Variants in CA10 observed in about 807,000 individuals in gnomAD.
The protein encoded by CA10 is carbonic anhydrase-related protein 10.
Under a neutral mutation model 44.2 loss-of-function variants are expected in CA10, and 14 were observed. The ratio of observed to expected loss-of-function variants is 0.32; its 90% CI spans 0.21 to 0.50. CA10 has a LOEUF of 0.50. CA10 is among the 20% of genes least tolerant of loss of function. The pLI is 0.99. For synonymous variants in CA10, 159 were observed against 141.6 expected (o/e 1.12, Z -0.87); for missense variants, 350 against 409.7 (o/e 0.85, Z 1.26).
upstream of CA10, among the ~76,000 whole-genome samples, chr17:52,158,896 A>C (rs1989881377): frequency 6.6e-6 from 1 of 152,024 alleles, no homozygotes; most frequent in African/African-American, 2.4e-5. Context: ...CGGAGGCAGG[A>C]GGCCCGGGCG....
intron 4 of CA10, among the ~76,000 whole-genome samples, chr17:51,717,973 G>A (rs1384632950): frequency 6.8e-6 from 1 of 147,954 alleles, no homozygotes; most frequent in Non-Finnish European, 1.5e-5. Context: ...CTCAGGAATG[G>A]AAAATCATTG....
At chr17:51,756,949 C>G (rs966462872) in intron 3 of CA10, among the ~76,000 whole-genome samples, 4 of 152,170 alleles carry the variant, frequency 2.6e-5, no homozygotes, top group Non-Finnish European at 5.9e-5. Context: ...ATGGGTCATA[C>G]CTGCCTCTCC....
At chr17:51,858,977 C>T (rs888332090) in intron 3 of CA10, among the ~76,000 whole-genome samples, 61 of 151,842 alleles carry the variant, frequency 4.0e-4, no homozygotes, top group African/African-American at 1.4e-3. Flanking sequence ...ATAAGGGTAC[C>T]TCCCTATATA....
chr17:51,706,595 A>G (rs913383736), intron 4 of CA10, among the ~76,000 whole-genome samples: 12 of 152,312 alleles, frequency 7.9e-5, no homozygotes, highest in African/African-American at 2.6e-4. Flanking sequence ...GCTAACAGCC[A>G]GAAAAAACCT....
At chr17:51,921,464 A>C (rs1201015821) in intron 3 of CA10, among the ~76,000 whole-genome samples, 1 of 152,218 alleles carries the variant, frequency 6.6e-6, no homozygotes, top group Non-Finnish European at 1.5e-5. Context: ...ATGACTTCTT[A>C]AAATATTTTC....
chr17:51,962,166 TG>T (rs1206375574), intron 2 of CA10, among the ~76,000 whole-genome samples: 1 of 152,212 alleles, frequency 6.6e-6, no homozygotes. Context: ...TGTGGTGCAG[TG>T]GGGCCCTCTA....
intron 4 of CA10, among the ~76,000 whole-genome samples, chr17:51,733,550 T>C (rs1377668688): frequency 6.6e-6 from 1 of 152,134 alleles, no homozygotes; most frequent in African/African-American, 2.4e-5. Context: ...AAAATTAAAA[T>C]AATGTAAATC....
chr17:51,903,009 T>C (rs780609949), intron 3 of CA10, among the ~76,000 whole-genome samples: 25 of 152,208 alleles, frequency 1.6e-4, no homozygotes, highest in Non-Finnish European at 3.4e-4. Flanking sequence ...AACTGCCTTC[T>C]TGTTGCCATG....
intron 2 of CA10, among the ~76,000 whole-genome samples, chr17:52,049,312 AGCTAT>A (rs1986995318): frequency 6.6e-6 from 1 of 152,088 alleles, no homozygotes; most frequent in Admixed American, 6.6e-5. Context: ...GCTACTTACT[AGCTAT>A]GCGGCCTTGA....
At chr17:52,054,665 T>G (rs1169840470) in intron 2 of CA10, among the ~76,000 whole-genome samples, 1 of 152,066 alleles carries the variant, frequency 6.6e-6, no homozygotes, top group Non-Finnish European at 1.5e-5. Flanking sequence ...GACACCCAGC[T>G]TTAAAATTTC....
chr17:51,752,967 T>C (rs1343931529), intron 3 of CA10, among the ~76,000 whole-genome samples: 1 of 151,924 alleles, frequency 6.6e-6, no homozygotes, highest in Non-Finnish European at 1.5e-5. Flanking sequence ...AAATAAAAAA[T>C]ATGTTGGGGA....
chr17:52,156,576 C>G (rs1004634606), intron 1 of CA10, among the ~76,000 whole-genome samples: 6 of 152,154 alleles, frequency 3.9e-5, no homozygotes, highest in Non-Finnish European at 5.9e-5. Context: ...TTTCTCCTAT[C>G]CAGAATCAGG....
chr17:51,962,774 A>T (rs1983939976), intron 2 of CA10, among the ~76,000 whole-genome samples: 1 of 152,150 alleles, frequency 6.6e-6, no homozygotes, highest in Non-Finnish European at 1.5e-5. Context: ...AAAGGGAAAA[A>T]TCCTACACAC....
intron 3 of CA10, among the ~76,000 whole-genome samples, chr17:51,767,283 C>A (rs1905420372): frequency 7.9e-6 from 1 of 127,242 alleles, no homozygotes; most frequent in Non-Finnish European, 1.6e-5. Flanking sequence ...AGGTGGATTT[C>A]ATATCTCACA....
At chr17:52,096,498 C>T (rs777458059) in intron 1 of CA10, among the ~76,000 whole-genome samples, 30 of 150,900 alleles carry the variant, frequency 2.0e-4, no homozygotes, top group Non-Finnish European at 3.7e-4. Context: ...GAGGACAGAG[C>T]GAACAATCTT....
At position 52,059,436 on chromosome 17, in the gene CA10, C is replaced by T. The variant is rs568027493; in HGVS notation, c.136+12883G>A. 4.6e-5 allele frequency among the ~76,000 whole-genome samples: 7 copies of T among 152,128 alleles called. No homozygotes were observed. In the South Asian group the frequency reaches 1.5e-3, roughly 32 times the overall value. Reference sequence around the variant, plus strand: ...ACTGAGCATTTTCCAGAACCCGTTGCTGCATCTATTATCCAAAGGAGGAAG... The same window carrying T: ...ACTGAGCATTTTCCAGAACCCGTTGTTGCATCTATTATCCAAAGGAGGAAG... On this transcript the variant is annotated intron_variant, in intron 2 of 8. Coordinates refer to ENST00000451037, the MANE Select transcript of CA10 (RefSeq NM_020178.5).
At chr17:52,052,520 T>C (rs12604029) in intron 2 of CA10, among the ~76,000 whole-genome samples, 51,587 of 151,838 alleles carry the variant, frequency 0.34, 10,592 homozygotes, top group East Asian at 0.73. Context: ...AGAAAAGATA[T>C]TAGAAAAGAA....
intron 1 of CA10, among the ~76,000 whole-genome samples, chr17:52,105,534 A>G (rs887463506): frequency 1.3e-4 from 20 of 152,136 alleles, no homozygotes; most frequent in Admixed American, 1.2e-3. Context: ...GAGCCACCAC[A>G]CCTGGCCTCA....
intron 2 of CA10, among the ~76,000 whole-genome samples, chr17:51,983,400 A>G (rs771315726): frequency 4.5e-4 from 68 of 151,866 alleles, no homozygotes; most frequent in Non-Finnish European, 6.6e-4. Context: ...TTATTCCAGT[A>G]TGATATGCAA....
Sources: allele counts gnomAD v4.1 joint callset (sites outside exome capture counted in the v4.1 genomes callset), GRCh38; gene constraint gnomAD v4.1.1; transcripts MANE v1.5; gene names NCBI Gene and HGNC (gene_info 2026-07-23, HGNC 2026-07-21).